Variants in CLGN observed in about 807,000 individuals in gnomAD.
CLGN encodes the protein calmegin.
In CLGN, 62 loss-of-function variants were observed where a neutral mutation model predicts 79.1. The observed-to-expected ratio is 0.78, with a 90% CI of 0.64 to 0.97. The LOEUF (loss-of-function observed/expected upper bound fraction) is 0.97. CLGN is among the 50% of genes least tolerant of loss of function. CLGN has a pLI of 0.00. For synonymous variants in CLGN, 225 were observed against 224.7 expected, an observed-to-expected ratio of 1.00 and a Z score of -0.01; for missense variants, 647 against 715.5, an observed-to-expected ratio of 0.90 and a Z score of 1.09.
chr4:140,401,623 A>G (rs1349601556), intron 6 of CLGN, among the ~76,000 whole-genome samples: 3 of 152,122 alleles, frequency 2.0e-5, no homozygotes, highest in African/African-American at 7.2e-5. Context: ...TTCTTCGGCC[A>G]TTTTGTTTCA....
chr4:140,409,634 T>C (rs1729174857), intron 4 of CLGN, among the ~76,000 whole-genome samples: 1 of 152,020 alleles, frequency 6.6e-6, no homozygotes, highest in African/African-American at 2.4e-5. Context: ...GAAAACTAGA[T>C]TAACTGGCTT....
In CLGN at chr4:140,401,991, C is replaced by T. The variant is rs770855185; in HGVS notation, c.495G>A (p.Leu165=). ...AAATATTAAAATATCATACCAGAAT[C>T]AAATCATCAGTGTCTGCTAGGAGTT... ...YIKLLADTDD[L]ILENFYDKTS... The change falls in exon 6 of 15, where the codon TTG becomes TTA. Residue 165 remains leucine (L), a synonymous_variant. Coordinates refer to ENST00000325617, the MANE Select transcript of CLGN (RefSeq NM_004362.3). 6.6e-7 allele frequency: 1 copy of T among 1,525,976 alleles called. No homozygotes were observed. The allele number at this position is 1,525,976 out of a possible 1,614,324, so 94.5% of individuals were successfully genotyped here. A position where few individuals can be genotyped will look rare whatever the true frequency, so the allele number is the denominator to read the frequency against.
At chr4:140,418,128 C>T (rs1407590979) in intron 1 of CLGN, among the ~76,000 whole-genome samples, 1 of 151,490 alleles carries the variant, frequency 6.6e-6, no homozygotes, top group Non-Finnish European at 1.5e-5. Context: ...ATAAATGGTG[C>T]TGGGAAAACT....
At chr4:140,398,816 C>G (rs1018591515) in intron 8 of CLGN, 35 bp downstream of exon 8, 3 of 1,581,108 alleles carry the variant, frequency 1.9e-6, no homozygotes, top group Non-Finnish European at 2.6e-6. Context: ...CCTAGTTATG[C>G]CAGATAATGC....
intron 1 of CLGN, among the ~76,000 whole-genome samples, chr4:140,427,116 C>CT (rs1729583213): frequency 3.8e-5 from 1 of 26,300 alleles, no homozygotes; most frequent in Non-Finnish European, 1.7e-4. Context: ...GGGAGAGCGC[C>CT]CCGGGCTCAA....
At chr4:140,397,010 T>C (rs2126617530) in intron 8 of CLGN, among the ~76,000 whole-genome samples, 1 of 149,932 alleles carries the variant, frequency 6.7e-6, no homozygotes, top group East Asian at 2.0e-4. Flanking sequence ...TTAGCTTATC[T>C]CCTCTTGGAG....
chr4:140,419,423 G>A (rs2043159), intron 1 of CLGN, among the ~76,000 whole-genome samples: 90,515 of 151,922 alleles, frequency 0.6, 28,033 homozygotes, highest in Non-Finnish European at 0.7. Context: ...CTCTTTAAAA[G>A]TATCATGATT....
At position 140,392,697 on chromosome 4, in the gene CLGN, T is replaced by A. The variant is rs1728798435; in HGVS notation, c.1380A>T (p.Lys460Asn). The A allele has an allele frequency of 6.2e-7, 1 of 1,600,340 alleles. No homozygotes were observed. The highest frequency in any genetic ancestry group is 8.5e-7 in the Non-Finnish European group (1 of 1,175,684). Residue 460 changes from lysine to asparagine, a missense_variant, in exon 12 of 15, where the codon AAA becomes AAT. Physicochemically the swap from Lys to Asn is moderately conservative, Grantham distance 94. Transcript: ENST00000325617. ...GCCCTTCAGCAGCTGCCATTAACTG[T>A]TTTAATACACCAGGCTATAGACGAG... ...IANANKPGVL[K>N]QLMAAAEGHP...
At chr4:140,419,721 A>G (rs995507957) in intron 1 of CLGN, among the ~76,000 whole-genome samples, 7 of 152,176 alleles carry the variant, frequency 4.6e-5, no homozygotes, top group Admixed American at 4.6e-4. Flanking sequence ...AATTACTTAT[A>G]TATTTATGGA....
rs1728722463 is a variant in CLGN at position 140,388,866 on chromosome 4, A to G, written c.*358T>C. 5.3e-6 allele frequency: 1 copy of G among 189,410 alleles called. No individual in the cohort carries two copies. Among genetic ancestry groups the G allele is most frequent in the Admixed American group, 5.6e-5 (1 of 17,984 alleles). The allele number at this position is 189,410 out of a possible 1,614,324, so 11.7% of individuals were successfully genotyped here. ...CTACCAGTTATATTGTTGTATAGCC[A>G]TTTAAGTGGAAATTCCAATAACTGA... On this transcript the variant is annotated 3_prime_UTR_variant, in exon 15 of 15. Coordinates refer to ENST00000325617, the MANE Select transcript of CLGN (RefSeq NM_004362.3).
chr4:140,421,903 G>A (rs1476227432), intron 1 of CLGN, among the ~76,000 whole-genome samples: 1 of 151,944 alleles, frequency 6.6e-6, no homozygotes, highest in East Asian at 1.9e-4. Context: ...TCTTTTAACA[G>A]TTTTATAGTT....
intron 1 of CLGN, among the ~76,000 whole-genome samples, chr4:140,418,964 C>A (rs1040681627): frequency 1.3e-5 from 2 of 152,094 alleles, no homozygotes; most frequent in African/African-American, 4.8e-5. Context: ...AAATGTCCAA[C>A]AATGATAGAA....
At chr4:140,423,851 G>T (rs773061624) in intron 1 of CLGN, among the ~76,000 whole-genome samples, 2 of 152,022 alleles carry the variant, frequency 1.3e-5, no homozygotes, top group Non-Finnish European at 2.9e-5. Flanking sequence ...TCTTATTTCT[G>T]TAGAATCAGA....
At chr4:140,403,936 A>C (rs1729043606) in intron 5 of CLGN, among the ~76,000 whole-genome samples, 1 of 152,186 alleles carries the variant, frequency 6.6e-6, no homozygotes, top group African/African-American at 2.4e-5. Flanking sequence ...TGTTCCATGA[A>C]ATAGCAATTA....
At chr4:140,399,593 A>G (rs1258285698) in intron 7 of CLGN, among the ~76,000 whole-genome samples, 1 of 152,230 alleles carries the variant, frequency 6.6e-6, no homozygotes, top group South Asian at 2.1e-4. Flanking sequence ...CTACCACTGC[A>G]GCATTTGGGG....
Position 140,402,026 on chromosome 4 carries a change from C to T in CLGN, c.460G>A (p.Ala154Thr). 1 of 1,584,058 alleles carries T rather than the reference C, an allele frequency of 6.3e-7. No individual in the cohort carries two copies. Among genetic ancestry groups the T allele is most frequent in the Non-Finnish European group, 8.6e-7 (1 of 1,162,754 alleles). Residue 154 changes from alanine (A) to threonine (T), a missense_variant, in exon 6 of 15, where the codon GCA becomes ACA. Coordinates refer to ENST00000325617, the MANE Select transcript of CLGN (RefSeq NM_004362.3). ...GTGTCTGCTAGGAGTTTAATGTATG[C>T]ACCTCCACAATCAATACCATCTTGA... Reference protein sequence around the residue: ...NFQDGIDCGGAYIKLLADTDD... With the variant: ...NFQDGIDCGGTYIKLLADTDD...
At chr4:140,418,136 A>G (rs1201658805) in intron 1 of CLGN, among the ~76,000 whole-genome samples, 4,640 of 151,862 alleles carry the variant, frequency 0.031, 221 homozygotes, top group African/African-American at 0.1. Flanking sequence ...TGCTGGGAAA[A>G]CTGGCTAGCC....
intron 1 of CLGN, among the ~76,000 whole-genome samples, chr4:140,417,700 G>C (rs1729371853): frequency 1.3e-5 from 2 of 152,086 alleles, no homozygotes; most frequent in Admixed American, 1.3e-4. Flanking sequence ...TGAAATAAAA[G>C]AGGACACAAA....
chr4:140,396,517 C>CA (rs1015692814), intron 8 of CLGN, among the ~76,000 whole-genome samples: 22 of 151,996 alleles, frequency 1.4e-4, no homozygotes, highest in African/African-American at 4.8e-4. Flanking sequence ...ATATATATTG[C>CA]ATGCTTACTA....
Sources: gnomAD v4.1 joint callset for allele counts (sites outside exome capture counted in the v4.1 genomes callset) on GRCh38, gnomAD v4.1.1 for gene constraint, MANE v1.5 for transcripts, NCBI Gene and HGNC (gene_info 2026-07-23, HGNC 2026-07-21) for gene names.